The following CD226 variants were observed in gnomAD, a reference collection of about 807,000 sequenced individuals.
The protein encoded by CD226 is CD226 molecule, also known as CD226 antigen.
Under a neutral mutation model 34.9 loss-of-function variants are expected in CD226, and 24 were observed. That is an observed-to-expected ratio of 0.69 (90% CI 0.50 to 0.97). The LOEUF (loss-of-function observed/expected upper bound fraction) is 0.97, where lower values mean the gene tolerates loss of function less well. Among genes scored for constraint, CD226 ranks in the 50% least tolerant of loss-of-function variants. CD226 has a pLI of 0.00. For missense variants in CD226, 397 were observed against 412.7 expected, an observed-to-expected ratio of 0.96 and a Z score of 0.33; for synonymous variants, 148 against 147.4, an observed-to-expected ratio of 1.00 and a Z score of -0.03.
chr18:69,911,043 G>A (rs1037473772), intron 2 of CD226, among the ~76,000 whole-genome samples: 16 of 152,160 alleles, frequency 1.1e-4, no homozygotes, highest in African/African-American at 3.1e-4. Context: ...TAGCAAACTG[G>A]GTGTTGGCGA....
intron 3 of CD226, among the ~76,000 whole-genome samples, chr18:69,880,947 A>T (rs1550133): frequency 1.1e-4 from 16 of 152,230 alleles, no homozygotes; most frequent in Non-Finnish European, 1.5e-4. Flanking sequence ...CACAGCACCC[A>T]GCCAAGTTTT....
chr18:69,925,762 T>C (rs1427455564), intron 2 of CD226, among the ~76,000 whole-genome samples: 1 of 152,182 alleles, frequency 6.6e-6, no homozygotes, highest in Non-Finnish European at 1.5e-5. Flanking sequence ...ATACCATCAA[T>C]CTGATCTCTC....
At chr18:69,908,402 T>A (rs2055282519) in intron 2 of CD226, among the ~76,000 whole-genome samples, 1 of 152,248 alleles carries the variant, frequency 6.6e-6, no homozygotes, top group Non-Finnish European at 1.5e-5. Flanking sequence ...TATTGGATGA[T>A]TAATAAATAC....
chr18:69,919,666 C>T (rs553287611), intron 2 of CD226, among the ~76,000 whole-genome samples: 2 of 152,102 alleles, frequency 1.3e-5, no homozygotes, highest in East Asian at 1.9e-4. Context: ...CATCTTATTT[C>T]GCTGAACAAT....
chr18:69,924,712 A>AAAAAAAAAAAT (rs2055499918), intron 2 of CD226, among the ~76,000 whole-genome samples: 1 of 150,422 alleles, frequency 6.6e-6, no homozygotes, highest in Non-Finnish European at 1.5e-5. Flanking sequence ...AAAAAAAAAA[A>AAAAAAAAAAAT]GAATCATTCA....
chr18:69,950,134 TCACA>T (rs751237470), upstream of CD226, among the ~76,000 whole-genome samples: 8 of 149,976 alleles, frequency 5.3e-5, no homozygotes, highest in South Asian at 2.2e-4. Context: ...ACACACAATC[TCACA>T]CAATCACATG....
chr18:69,931,354 C>T (rs991297884), intron 2 of CD226, among the ~76,000 whole-genome samples: 1 of 150,578 alleles, frequency 6.6e-6, no homozygotes, highest in African/African-American at 2.5e-5. Flanking sequence ...GCATGTTGTG[C>T]ACATGTACCC....
At chr18:69,885,870 T>G (rs77884237) in intron 3 of CD226, among the ~76,000 whole-genome samples, 2 of 152,120 alleles carry the variant, frequency 1.3e-5, no homozygotes, top group African/African-American at 2.4e-5. Flanking sequence ...CTCATAGCAT[T>G]GGCGTCAGCG....
intron 2 of CD226, among the ~76,000 whole-genome samples, chr18:69,905,997 C>G (rs2055248371): frequency 6.6e-6 from 1 of 152,230 alleles, no homozygotes; most frequent in Non-Finnish European, 1.5e-5. Context: ...GCCTTTAGAG[C>G]ATCTACTCCA....
At chr18:69,904,927 T>C (rs1052040632) in intron 2 of CD226, among the ~76,000 whole-genome samples, 19 of 152,238 alleles carry the variant, frequency 1.2e-4, no homozygotes, top group African/African-American at 3.6e-4. Flanking sequence ...AATAGATTGT[T>C]AGTGATGGTC....
intron 2 of CD226, among the ~76,000 whole-genome samples, chr18:69,944,061 G>C (rs1049772029): frequency 1.2e-4 from 17 of 140,612 alleles, no homozygotes; most frequent in African/African-American, 4.3e-4. Flanking sequence ...CCAGTATGTT[G>C]TTACTGAAGT....
At chr18:69,886,667 T>C (rs142550216) in intron 3 of CD226, among the ~76,000 whole-genome samples, 3,319 of 151,606 alleles carry the variant, frequency 0.022, 56 homozygotes, top group Middle Eastern at 0.051. Flanking sequence ...GATCGTGCCA[T>C]TGCACTCCAG....
At chr18:69,924,155 T>C (rs2055491238) in intron 2 of CD226, among the ~76,000 whole-genome samples, 1 of 151,312 alleles carries the variant, frequency 6.6e-6, no homozygotes, top group Non-Finnish European at 1.5e-5. Flanking sequence ...TAGAAGAAAA[T>C]ATTATGCAAA....
chr18:69,946,949 T>G lies in CD226; in HGVS notation c.167A>C (p.Gln56Pro). 1 of 1,614,202 alleles carries G rather than the reference T, an allele frequency of 6.2e-7. No individual in the cohort carries two copies. Among genetic ancestry groups the G allele is most frequent in the Non-Finnish European group, 8.5e-7 (1 of 1,180,016 alleles). ...TQVEWFKIGT[Q>P]QDSIAIFSPT... is the part of the protein sequence containing the mutation. ...GCTGAAAATGGCTATGGAATCCTGCTGGGTCCCGATCTTGAACCACTCCAC... is the reference window on the plus strand; with the variant it reads ...GCTGAAAATGGCTATGGAATCCTGCGGGGTCCCGATCTTGAACCACTCCAC... Residue 56 changes from glutamine (Q) to proline (P), a missense_variant, in exon 2 of 6, where the codon CAG becomes CCG. Coordinates refer to ENST00000582621, the MANE Select transcript of CD226 (RefSeq NM_001303618.2).
At chr18:69,903,806 T>C (rs147989882) in intron 2 of CD226, among the ~76,000 whole-genome samples, 119 of 152,262 alleles carry the variant, frequency 7.8e-4, no homozygotes, top group Non-Finnish European at 8.2e-4. Flanking sequence ...ACCCTGCTGA[T>C]ACCTTCACTT....
At position 69,864,022 on chromosome 18, in the gene CD226, C is replaced by A; in HGVS notation, c.*292G>T. 1 of 235,588 alleles carries A rather than the reference C, an allele frequency of 4.2e-6. No individual in the cohort carries two copies. Among genetic ancestry groups the A allele is most frequent in the South Asian group, 9.4e-5 (1 of 10,638 alleles). 14.6% of individuals were successfully genotyped at this position (235,588 alleles called of 1,614,324 possible). A position where few individuals can be genotyped will look rare whatever the true frequency, so the allele number is the denominator to read the frequency against. On this transcript the variant is annotated 3_prime_UTR_variant, in exon 6 of 6. Transcript: ENST00000582621. ...GTTTATGCCCATACTTAATTCTAGA[C>A]ACAACATTTAAGCCCTGGTAAATAG...
At chr18:69,884,556 C>T (rs1382386792) in intron 3 of CD226, among the ~76,000 whole-genome samples, 1 of 152,174 alleles carries the variant, frequency 6.6e-6, no homozygotes, top group African/African-American at 2.4e-5. Flanking sequence ...ATGTCTTTCT[C>T]GAGGACCTGG....
Position 69,880,775 on chromosome 18 carries a change from C to CT in CD226, c.728-7530dup, listed in dbSNP as rs1984210369. Among the ~76,000 whole-genome samples, 24 of 152,034 alleles carry CT rather than the reference C, an allele frequency of 1.6e-4. 2 individuals are homozygous for CT. The South Asian group carries it at 4.8e-3, about 30-fold the overall frequency. On this transcript the variant is annotated intron_variant, in intron 3 of 5. Coordinates refer to ENST00000582621, the MANE Select transcript of CD226 (RefSeq NM_001303618.2). ...CAAGCGATTCTCCTGCCTCAGCCCC[C>CT]TGAGTAGCTGGGACTACAGGCGCCC...
intron 3 of CD226, among the ~76,000 whole-genome samples, chr18:69,874,906 A>T (rs1419361453): frequency 1.3e-5 from 2 of 152,040 alleles, no homozygotes; most frequent in Admixed American, 1.3e-4. Flanking sequence ...ACATGATATG[A>T]TTTCCTTCTT....
Sources: gnomAD v4.1 joint callset for allele counts (sites outside exome capture counted in the v4.1 genomes callset) on GRCh38, gnomAD v4.1.1 for gene constraint, MANE v1.5 for transcripts, NCBI Gene and HGNC (gene_info 2026-07-23, HGNC 2026-07-21) for gene names.